The following COL5A2 variants were observed in gnomAD, a reference collection of about 807,000 sequenced individuals.
The protein encoded by COL5A2 is collagen type V alpha 2 chain.
Under a neutral mutation model 208.2 loss-of-function variants are expected in COL5A2, and 23 were observed. The ratio of observed to expected loss-of-function variants is 0.11; its 90% CI spans 0.08 to 0.16. COL5A2 has a LOEUF of 0.16. Ranked by LOEUF, COL5A2 falls within the 10% of genes least tolerant of loss-of-function variation. The probability of loss-of-function intolerance (pLI) is 1.00; values close to 1 mark genes in which losing one functional copy is unlikely to be tolerated. For synonymous variants in COL5A2, 625 were observed against 628.5 expected (o/e 0.99, Z 0.08); for missense variants, 1,590 against 1,956.4 (o/e 0.81, Z 3.53).
the COL5A2 span, among the ~76,000 whole-genome samples, chr2:189,417,700 T>C: frequency 6.6e-6 from 1 of 152,098 alleles, no homozygotes; most frequent in Non-Finnish European, 1.5e-5. Context: ...ATATTTGTCT[T>C]TCTTTGTCTG....
At chr2:189,439,765 CAGG>C in the COL5A2 span, among the ~76,000 whole-genome samples, 4 of 152,188 alleles carry the variant, frequency 2.6e-5, no homozygotes, top group Admixed American at 2.6e-4. Context: ...TTGTCCATAT[CAGG>C]ATTTCTGATT....
At chr2:189,240,310 T>A in the COL5A2 span, among the ~76,000 whole-genome samples, 1 of 152,254 alleles carries the variant, frequency 6.6e-6, no homozygotes, top group Non-Finnish European at 1.5e-5. Context: ...TCTTCATAGC[T>A]TGTAGGTGAC....
chr2:189,069,587 A>G (rs1408499794), intron 18 of COL5A2, among the ~76,000 whole-genome samples: 2 of 152,328 alleles, frequency 1.3e-5, no homozygotes, highest in East Asian at 3.9e-4. Flanking sequence ...GCTTCATGCA[A>G]TCATCAGAGG....
At chr2:189,058,787 G>T (rs1411642031) in intron 32 of COL5A2, 62 bp downstream of exon 32, 3 of 1,445,388 alleles carry the variant, frequency 2.1e-6, no homozygotes, top group South Asian at 1.2e-5. Flanking sequence ...GATTTTAAAA[G>T]ACACCTTTTA....
intron 1 of COL5A2, among the ~76,000 whole-genome samples, chr2:189,219,942 T>C (rs1335619136): frequency 6.6e-6 from 1 of 152,142 alleles, no homozygotes; most frequent in Non-Finnish European, 1.5e-5. Context: ...AAATTCTTAA[T>C]AATTTTTGAA....
At chr2:189,195,759 C>T (rs1385848902) in intron 1 of COL5A2, among the ~76,000 whole-genome samples, 1 of 152,088 alleles carries the variant, frequency 6.6e-6, no homozygotes, top group Non-Finnish European at 1.5e-5. Flanking sequence ...ACTGGCTAGC[C>T]ATACAAAGAA....
At chr2:189,035,443 T>G (rs1685425591) in intron 52 of COL5A2, among the ~76,000 whole-genome samples, 1 of 152,102 alleles carries the variant, frequency 6.6e-6, no homozygotes, top group Admixed American at 6.6e-5. Flanking sequence ...GCTTCACTCA[T>G]GTATCAAAAA....
At chr2:189,085,615 T>A in intron 10 of COL5A2, 104 bp downstream of exon 10, 1 of 948,410 alleles carries the variant, frequency 1.1e-6, no homozygotes, top group Non-Finnish European at 1.7e-6. Context: ...TGTTATTTCT[T>A]CCTACATTAG....
At chr2:189,236,112 C>T in the COL5A2 span, among the ~76,000 whole-genome samples, 2 of 151,520 alleles carry the variant, frequency 1.3e-5, no homozygotes, top group Non-Finnish European at 2.9e-5. Context: ...GTGTCCTGTG[C>T]GATTAATTGG....
chr2:189,095,546 C>T (rs1277420418), intron 6 of COL5A2, among the ~76,000 whole-genome samples: 1 of 151,818 alleles, frequency 6.6e-6, no homozygotes, highest in Non-Finnish European at 1.5e-5. Context: ...CACACTTATA[C>T]CCAATTCACA....
upstream of COL5A2, among the ~76,000 whole-genome samples, chr2:189,184,784 T>C (rs1056712957): frequency 2.0e-5 from 3 of 152,136 alleles, no homozygotes; most frequent in African/African-American, 7.2e-5. Context: ...TCACAGGTTC[T>C]AGGGATTAGG....
At chr2:189,055,622 T>G (rs777979182) in intron 35 of COL5A2, among the ~76,000 whole-genome samples, 3 of 152,228 alleles carry the variant, frequency 2.0e-5, no homozygotes, top group Non-Finnish European at 2.9e-5. Flanking sequence ...GAAATATAAA[T>G]ATCACTTCAT....
At chr2:189,246,304 T>G in the COL5A2 span, among the ~76,000 whole-genome samples, 1 of 150,824 alleles carries the variant, frequency 6.6e-6, no homozygotes. Flanking sequence ...AAAAAAAGAA[T>G]GTGATAGATC....
the COL5A2 span, among the ~76,000 whole-genome samples, chr2:189,335,024 A>T: frequency 3.6e-3 from 550 of 152,128 alleles, 6 homozygotes; most frequent in African/African-American, 0.012. Context: ...ATCCATATTT[A>T]AAAAAATCCT....
At chr2:189,303,056 C>T in the COL5A2 span, among the ~76,000 whole-genome samples, 4 of 152,026 alleles carry the variant, frequency 2.6e-5, no homozygotes, top group Admixed American at 6.6e-5. Flanking sequence ...CATGAAATTC[C>T]GAAGAAGGAA....
chr2:189,373,967 T>C, the COL5A2 span, among the ~76,000 whole-genome samples: 1 of 152,190 alleles, frequency 6.6e-6, no homozygotes, highest in Non-Finnish European at 1.5e-5. Flanking sequence ...TGGGACAATG[T>C]GCTCTTGACT....
At chr2:189,108,969 G>GTT (rs5837126) in intron 2 of COL5A2, among the ~76,000 whole-genome samples, 194 of 139,696 alleles carry the variant, frequency 1.4e-3, no homozygotes, top group Middle Eastern at 7.1e-3. Flanking sequence ...ACTTTATTAA[G>GTT]TTTTTTTTTT....
At chr2:189,183,374 T>C (rs1688807154), upstream of COL5A2, among the ~76,000 whole-genome samples, 1 of 152,218 alleles carries the variant, frequency 6.6e-6, no homozygotes, top group South Asian at 2.1e-4. Flanking sequence ...CACTATCAGC[T>C]TTTTTCCCTT....
At chr2:189,339,616 A>G in the COL5A2 span, among the ~76,000 whole-genome samples, 2 of 152,204 alleles carry the variant, frequency 1.3e-5, no homozygotes, top group Non-Finnish European at 2.9e-5. Flanking sequence ...TCAGTCTCAA[A>G]TTCATCTCCT....
Sources: gnomAD v4.1 joint callset for allele counts (sites outside exome capture counted in the v4.1 genomes callset) on GRCh38, gnomAD v4.1.1 for gene constraint, MANE v1.5 for transcripts, NCBI Gene and HGNC (gene_info 2026-07-23, HGNC 2026-07-21) for gene names.